Variants in DAB1 observed in about 807,000 individuals in gnomAD.
DAB1 encodes DAB adaptor protein 1, also known as disabled homolog 1.
DAB1 carries 15 observed loss-of-function variants against 64.6 expected under a neutral mutation model. That is an observed-to-expected ratio of 0.23 (90% confidence interval 0.16 to 0.36). The LOEUF (loss-of-function observed/expected upper bound fraction) is 0.36. Ranked by LOEUF, DAB1 falls within the 10% of genes least tolerant of loss-of-function variation. The pLI, the probability that DAB1 is intolerant of heterozygous loss-of-function variation, is 1.00. For missense variants in DAB1, 596 were observed against 706.7 expected, an observed-to-expected ratio of 0.84 and a Z score of 1.78; for synonymous variants, 235 against 251.9, an observed-to-expected ratio of 0.93 and a Z score of 0.64.
chr1:57,104,524 C>G (rs766706109), intron 4 of DAB1, among the ~76,000 whole-genome samples: 1 of 152,126 alleles, frequency 6.6e-6, no homozygotes, highest in Non-Finnish European at 1.5e-5. Flanking sequence ...AAGTCATGAC[C>G]TGTTATTTTA....
At chr1:58,361,312 G>A (rs769636707) in intron 3 of DAB1, among the ~76,000 whole-genome samples, 4 of 152,242 alleles carry the variant, frequency 2.6e-5, no homozygotes, top group African/African-American at 7.2e-5. Flanking sequence ...CCCAACAAAC[G>A]AGGTCTGGGG....
At chr1:58,268,914 A>G (rs1434172049) in intron 4 of DAB1, among the ~76,000 whole-genome samples, 1 of 152,186 alleles carries the variant, frequency 6.6e-6, no homozygotes, top group East Asian at 1.9e-4. Flanking sequence ...AGAGACAGAT[A>G]TATAGACCAA....
chr1:57,533,586 C>G (rs1377857402), intron 7 of DAB1, among the ~76,000 whole-genome samples: 1 of 146,260 alleles, frequency 6.8e-6, no homozygotes, highest in African/African-American at 2.6e-5. Flanking sequence ...TAGGCACACA[C>G]AAATTGTAAG....
intron 2 of DAB1, among the ~76,000 whole-genome samples, chr1:57,284,183 G>A (rs1570159406): frequency 6.6e-6 from 1 of 152,140 alleles, no homozygotes; most frequent in East Asian, 1.9e-4. Context: ...AACAGTAATA[G>A]GTTGGGAATG....
intron 5 of DAB1, among the ~76,000 whole-genome samples, chr1:58,113,532 C>T (rs909704785): frequency 5.9e-5 from 9 of 152,130 alleles, no homozygotes; most frequent in Non-Finnish European, 7.4e-5. Flanking sequence ...GCAAAAAAAA[C>T]TTCTGTGTAA....
intron 3 of DAB1, among the ~76,000 whole-genome samples, chr1:58,472,306 A>G (rs1645368203): frequency 6.6e-6 from 1 of 152,242 alleles, no homozygotes; most frequent in African/African-American, 2.4e-5. Flanking sequence ...GAATAGGAGT[A>G]AAATAGTTCT....
At chr1:58,532,639 T>C (rs1040079695) in intron 1 of DAB1, among the ~76,000 whole-genome samples, 4 of 152,182 alleles carry the variant, frequency 2.6e-5, no homozygotes, top group African/African-American at 9.7e-5. Flanking sequence ...GCAATCCTCC[T>C]GCCTCAGGCT....
chr1:58,226,762 T>C (rs1659518679), intron 4 of DAB1, among the ~76,000 whole-genome samples: 1 of 152,176 alleles, frequency 6.6e-6, no homozygotes, highest in Non-Finnish European at 1.5e-5. Flanking sequence ...GATGAGGAAA[T>C]TAATGTTCAG....
intron 7 of DAB1, among the ~76,000 whole-genome samples, chr1:57,646,409 A>G (rs1458569279): frequency 6.6e-6 from 1 of 152,174 alleles, no homozygotes; most frequent in Admixed American, 6.5e-5. Context: ...ACACAACAAT[A>G]GCATGAAAGC....
chr1:57,094,641 A>G (rs555948856), intron 4 of DAB1, among the ~76,000 whole-genome samples: 1 of 152,340 alleles, frequency 6.6e-6, no homozygotes, highest in East Asian at 1.9e-4. Context: ...TATGTCTCCT[A>G]AAATTATTTT....
At chr1:57,688,812 A>G (rs1558612696) in intron 6 of DAB1, among the ~76,000 whole-genome samples, 1 of 152,192 alleles carries the variant, frequency 6.6e-6, no homozygotes. Context: ...ATTAACACAA[A>G]AACAGAAAAC....
intron 3 of DAB1, among the ~76,000 whole-genome samples, chr1:58,418,378 T>C (rs574843782): frequency 4.0e-4 from 61 of 152,256 alleles, no homozygotes; most frequent in Admixed American, 1.3e-3. Context: ...CACTCCTTGG[T>C]CAATGACTTT....
intron 4 of DAB1, among the ~76,000 whole-genome samples, chr1:58,287,631 A>G (rs1177996179): frequency 6.6e-6 from 1 of 152,140 alleles, no homozygotes; most frequent in East Asian, 1.9e-4. Context: ...TAATCAGGAG[A>G]TGCAAGGCTT....
chr1:57,470,028 T>C (rs1195436135), intron 7 of DAB1, among the ~76,000 whole-genome samples: 1 of 152,220 alleles, frequency 6.6e-6, no homozygotes, highest in Non-Finnish European at 1.5e-5. Flanking sequence ...ACTAATAAGA[T>C]AATTTGTCAC....
chr1:57,267,120 A>G (rs1479443713), intron 2 of DAB1, among the ~76,000 whole-genome samples: 1 of 152,166 alleles, frequency 6.6e-6, no homozygotes, highest in Non-Finnish European at 1.5e-5. Flanking sequence ...TTATTCTGGT[A>G]GGCCTTAAGT....
chr1:57,737,558 G>A (rs1416737074), intron 6 of DAB1, among the ~76,000 whole-genome samples: 3 of 152,184 alleles, frequency 2.0e-5, no homozygotes, highest in African/African-American at 4.8e-5. Context: ...TGACGGGCAC[G>A]TACTAAGTGC....
Position 57,941,974 on chromosome 1 carries a change from C to G in DAB1, n.388-57812G>C, listed in dbSNP as rs147063579. On this transcript the variant is annotated intron_variant and non_coding_transcript_variant, in intron 5 of 20. Transcript: ENST00000485760. ...TTACTTAACAACTTAGAACCTCAGA[C>G]CTCAGTTTTTTCATCTGTAAAATGG... Among the ~76,000 whole-genome samples the G allele has an allele frequency of 5.3e-5, 8 of 152,272 alleles. No individual in the cohort carries two copies. In the East Asian group the frequency reaches 1.3e-3, roughly 26 times the overall value.
chr1:57,072,618 G>A (rs1293043899), intron 4 of DAB1, among the ~76,000 whole-genome samples: 1 of 152,206 alleles, frequency 6.6e-6, no homozygotes, highest in African/African-American at 2.4e-5. Context: ...TGACCAGAGA[G>A]AAACATAGGA....
chr1:57,737,280 C>A (rs1647738520), intron 6 of DAB1, among the ~76,000 whole-genome samples: 1 of 152,188 alleles, frequency 6.6e-6, no homozygotes, highest in Admixed American at 6.5e-5. Flanking sequence ...TGGCATAGAA[C>A]CATGTGGTCA....
Sources: allele counts gnomAD v4.1 joint callset (sites outside exome capture counted in the v4.1 genomes callset), GRCh38; gene constraint gnomAD v4.1.1; transcripts MANE v1.5; gene names NCBI Gene and HGNC (gene_info 2026-07-23, HGNC 2026-07-21).